Variants in ABCC1 observed in about 807,000 individuals in gnomAD.
The protein encoded by ABCC1 is ATP binding cassette subfamily C member 1 (ABCC1 blood group), also known as multidrug resistance-associated protein 1.
A neutral mutation model predicts 172.9 loss-of-function variants in ABCC1; 83 were observed. That is an observed-to-expected ratio of 0.48 (90% CI 0.40 to 0.58). ABCC1 has a LOEUF of 0.58. Ranked by LOEUF, ABCC1 falls within the 20% of genes least tolerant of loss-of-function variation. The pLI is 0.00. For missense variants in ABCC1, 1,817 were observed against 2,002.7 expected (o/e 0.91, Z 1.77); for synonymous variants, 937 against 825.2 (o/e 1.14, Z -2.32).
chr16:16,057,139 C>T (rs2049689910), intron 12 of ABCC1, among the ~76,000 whole-genome samples: 2 of 145,424 alleles, frequency 1.4e-5, no homozygotes, highest in African/African-American at 5.1e-5. Context: ...GCCAGGAGCT[C>T]GAGACCAGCC....
At chr16:15,982,781 G>A (rs1203371998) in intron 1 of ABCC1, among the ~76,000 whole-genome samples, 1 of 118,762 alleles carries the variant, frequency 8.4e-6, no homozygotes, top group Non-Finnish European at 1.7e-5. Context: ...ACTCCAGTCT[G>A]GGCAACAGAG....
chr16:16,007,337 C>T (rs560201833), intron 1 of ABCC1, among the ~76,000 whole-genome samples: 20 of 152,100 alleles, frequency 1.3e-4, no homozygotes, highest in African/African-American at 4.8e-4. Flanking sequence ...AGGCACTCCT[C>T]CCACTTCAGC....
chr16:15,996,438 T>TCAACC (rs767048420), intron 1 of ABCC1, among the ~76,000 whole-genome samples: 40 of 152,144 alleles, frequency 2.6e-4, no homozygotes, highest in African/African-American at 8.4e-4. Context: ...TGTGAGTTAT[T>TCAACC]GAGATGGTTG....
intron 6 of ABCC1, among the ~76,000 whole-genome samples, chr16:16,035,595 A>T (rs1019843928): frequency 1.3e-5 from 2 of 151,180 alleles, no homozygotes; most frequent in African/African-American, 4.9e-5. Flanking sequence ...GCCTTGAGCA[A>T]TCCTGCCACC....
intron 20 of ABCC1, among the ~76,000 whole-genome samples, chr16:16,104,664 GC>G (rs914857949): frequency 6.6e-5 from 10 of 152,312 alleles, no homozygotes; most frequent in African/African-American, 2.4e-4. Flanking sequence ...CGTGCCGTGC[GC>G]CCTCACTCCT....
At chr16:16,131,730 TCA>T in intron 26 of ABCC1, 57 bp from the exon 27 acceptor site, 1 of 1,576,894 alleles carries the variant, frequency 6.3e-7, no homozygotes, top group South Asian at 1.2e-5. Context: ...GTCAGGGGAG[TCA>T]CAGCTTTACC....
intron 27 of ABCC1, among the ~76,000 whole-genome samples, chr16:16,132,485 T>TTCTTTTTTTG (rs2045725110): frequency 6.7e-6 from 1 of 149,312 alleles, no homozygotes; most frequent in East Asian, 2.0e-4. Flanking sequence ...CTGGAAGAAG[T>TTCTTTTTTTG]TCTTTTTTTG....
intron 5 of ABCC1, among the ~76,000 whole-genome samples, chr16:16,032,811 C>T (rs574063688): frequency 9.2e-5 from 14 of 152,246 alleles, no homozygotes; most frequent in Middle Eastern, 3.4e-3. Flanking sequence ...GTAGGGATGA[C>T]GTTAACACCA....
chr16:16,101,355 C>T (rs1255459355), intron 19 of ABCC1, among the ~76,000 whole-genome samples: 1 of 151,980 alleles, frequency 6.6e-6, no homozygotes, highest in African/African-American at 2.4e-5. Context: ...ATTTATAAAG[C>T]CCCCCGTGAC....
intron 20 of ABCC1, among the ~76,000 whole-genome samples, chr16:16,104,128 C>A (rs1288914100): frequency 6.6e-6 from 1 of 152,146 alleles, no homozygotes; most frequent in African/African-American, 2.4e-5. Flanking sequence ...AGTGTTACAG[C>A]TCACAAAGGC....
rs45441395 is a variant in ABCC1 at position 15,950,908 on chromosome 16, T to C, written c.48+1109T>C. On this transcript the variant is annotated intron_variant, in intron 1 of 30. Transcript: ENST00000399410. ...TGAAAAGTCATCCTCCAGGGCCCCA[T>C]TGGAGGGTTTGGTTTTGTTTGTTTG... Among the ~76,000 whole-genome samples, 381 of 152,226 alleles carry C rather than the reference T, an allele frequency of 2.5e-3. 1 individual carries two copies. Among genetic ancestry groups the C allele is most frequent in the Non-Finnish European group, 3.9e-3 (267 of 68,016 alleles).
intron 15 of ABCC1, 98 bp downstream of exon 15, chr16:16,076,499 C>A: frequency 8.5e-7 from 1 of 1,172,720 alleles, no homozygotes; most frequent in South Asian, 1.6e-5. Flanking sequence ...TCTCTGTGAC[C>A]TTGAACAACT....
At chr16:16,100,839 C>G (rs1051865701) in intron 19 of ABCC1, among the ~76,000 whole-genome samples, 1 of 152,090 alleles carries the variant, frequency 6.6e-6, no homozygotes, top group Non-Finnish European at 1.5e-5. Flanking sequence ...GAGGCTCAGA[C>G]AGATTTATCA....
chr16:15,982,205 C>A (rs1434768720), intron 1 of ABCC1, among the ~76,000 whole-genome samples: 1 of 152,150 alleles, frequency 6.6e-6, no homozygotes, highest in Non-Finnish European at 1.5e-5. Context: ...AAAGTTGCTT[C>A]CACATTTTTG....
At chr16:16,123,667 T>TA (rs1198895743) in intron 24 of ABCC1, among the ~76,000 whole-genome samples, 2 of 151,754 alleles carry the variant, frequency 1.3e-5, no homozygotes, top group Non-Finnish European at 2.9e-5. Context: ...AAATAAAAAG[T>TA]AAAATAAAAT....
chr16:15,980,469 G>A (rs1000801470), intron 1 of ABCC1, among the ~76,000 whole-genome samples: 4 of 152,158 alleles, frequency 2.6e-5, no homozygotes, highest in Admixed American at 2.6e-4. Context: ...ACAGCAGAAA[G>A]GGAAGCAAAC....
At chr16:16,006,883 T>TGGC (rs2047555716) in intron 1 of ABCC1, among the ~76,000 whole-genome samples, 1 of 91,638 alleles carries the variant, frequency 1.1e-5, no homozygotes, top group Non-Finnish European at 2.4e-5. Flanking sequence ...GTGGCGGTGA[T>TGGC]GGTGGTGGTG....
intron 4 of ABCC1, among the ~76,000 whole-genome samples, chr16:16,015,454 G>A (rs1455817357): frequency 2.0e-5 from 3 of 152,116 alleles, no homozygotes; most frequent in African/African-American, 7.2e-5. Flanking sequence ...GTGTGCTTTT[G>A]GAATAACCTG....
At chr16:16,133,533 A>T (rs1398480162) in intron 27 of ABCC1, among the ~76,000 whole-genome samples, 1 of 152,062 alleles carries the variant, frequency 6.6e-6, no homozygotes, top group Non-Finnish European at 1.5e-5. Context: ...TCTCCCGAGT[A>T]TCTGGGACTA....
Sources: gnomAD v4.1 joint callset for allele counts (sites outside exome capture counted in the v4.1 genomes callset) on GRCh38, gnomAD v4.1.1 for gene constraint, MANE v1.5 for transcripts, NCBI Gene and HGNC (gene_info 2026-07-23, HGNC 2026-07-21) for gene names.